The following HIF1A variants were observed in gnomAD, a reference collection of about 807,000 sequenced individuals.
The protein encoded by HIF1A is hypoxia-inducible factor 1-alpha.
HIF1A carries 24 observed loss-of-function variants against 92.7 expected under a neutral mutation model. The observed-to-expected ratio is 0.26, with a 90% confidence interval of 0.19 to 0.36. HIF1A has a LOEUF of 0.36. HIF1A is among the 10% of genes least tolerant of loss of function. The pLI is 1.00. For missense variants in HIF1A, 799 were observed against 998.5 expected (o/e 0.80, Z 2.69); for synonymous variants, 319 against 338.7 (o/e 0.94, Z 0.64).
chr14:61,699,541 G>C (rs2140115712), intron 1 of HIF1A, among the ~76,000 whole-genome samples: 1 of 151,532 alleles, frequency 6.6e-6, no homozygotes, highest in South Asian at 2.1e-4. Flanking sequence ...TTAAAGATTT[G>C]GGTTAAATTG....
chr14:61,742,968 A>C (rs2044732372), intron 12 of HIF1A, among the ~76,000 whole-genome samples: 1 of 151,256 alleles, frequency 6.6e-6, no homozygotes, highest in South Asian at 2.1e-4. Context: ...TATAAGTTAC[A>C]GTTTACTATC....
intron 1 of HIF1A, among the ~76,000 whole-genome samples, chr14:61,712,003 GA>G (rs1194058929): frequency 1.3e-5 from 2 of 152,144 alleles, no homozygotes; most frequent in African/African-American, 4.8e-5. Flanking sequence ...GAACAAAATA[GA>G]CAAAAGTCTC....
intron 1 of HIF1A, among the ~76,000 whole-genome samples, chr14:61,713,389 C>T (rs1253116755): frequency 6.6e-6 from 1 of 152,118 alleles, no homozygotes. Context: ...TTTTTAAAAA[C>T]TCAGATTTTG....
intron 1 of HIF1A, among the ~76,000 whole-genome samples, chr14:61,700,903 G>A (rs576033947): frequency 6.6e-6 from 1 of 152,278 alleles, no homozygotes; most frequent in South Asian, 2.1e-4. Context: ...CTTGTTTGTG[G>A]ATAATTAACC....
At position 61,742,822 on chromosome 14, in the gene HIF1A, C is replaced by A. The variant is rs190082493; in HGVS notation, c.2093+1634C>A. Among the ~76,000 whole-genome samples the A allele has an allele frequency of 3.9e-5, 5 of 129,080 alleles. No homozygotes were observed. In the Admixed American group the frequency reaches 5.1e-4, roughly 13 times the overall value. 84.7% of individuals were successfully genotyped at this position (129,080 alleles called of 152,430 possible). ...ATTGCTTGAACCCTGGAGGTGGAGG[C>A]TGCAGTGAGCCGAGATCGTGCCATT... On this transcript the variant is annotated intron_variant, in intron 12 of 14. Transcript: ENST00000337138.
Position 61,740,505 on chromosome 14 carries a change from C to T in HIF1A, c.1537C>T (p.Pro513Ser), listed in dbSNP as rs753064700. ...DGSTRQSSPE[P>S]NSPSEYCFYV... is the part of the protein sequence containing the mutation. ...ATAGTAAACATATTTCTTTTTACAG[C>T]CTAATAGTCCCAGTGAATATTGTTT... Residue 513 changes from proline to serine, a missense_variant and splice_region_variant, in exon 11 of 15, where the codon CCT becomes TCT. Around this residue, in one of 2 missense-constraint regions of HIF1A, gnomAD observed 516 missense variants for 721.0 expected, o/e 0.72. Transcript: ENST00000337138. 6.4e-7 allele frequency: 1 copy of T among 1,569,322 alleles called. No homozygotes were observed.
At chr14:61,702,811 A>G (rs1000810291) in intron 1 of HIF1A, among the ~76,000 whole-genome samples, 29 of 152,308 alleles carry the variant, frequency 1.9e-4, no homozygotes, top group African/African-American at 6.7e-4. Context: ...TGTAGAGACC[A>G]TTGTCTACTA....
chr14:61,733,093 A>T (rs887710038), intron 7 of HIF1A, among the ~76,000 whole-genome samples: 9 of 149,594 alleles, frequency 6.0e-5, no homozygotes, highest in East Asian at 1.9e-4. Context: ...ATTTTATTTT[A>T]TTTTTTTCTT....
intron 8 of HIF1A, 84 bp from the exon 9 acceptor site, chr14:61,736,805 T>G: frequency 1.1e-6 from 1 of 928,010 alleles, no homozygotes; most frequent in Non-Finnish European, 1.7e-6. Flanking sequence ...AGCAGAATTT[T>G]TTAAGAGACC....
intron 1 of HIF1A, among the ~76,000 whole-genome samples, chr14:61,707,344 T>C (rs968074159): frequency 1.3e-5 from 2 of 152,268 alleles, no homozygotes; most frequent in Admixed American, 6.5e-5. Context: ...TTAGGGTACA[T>C]GTGCACAACG....
chr14:61,737,694 C>T (rs2044654354), intron 9 of HIF1A, among the ~76,000 whole-genome samples: 1 of 152,150 alleles, frequency 6.6e-6, no homozygotes, highest in Non-Finnish European at 1.5e-5. Flanking sequence ...ATGAATTAGA[C>T]AAACCTTTTG....
At chr14:61,703,825 G>T (rs2044205527) in intron 1 of HIF1A, among the ~76,000 whole-genome samples, 1 of 62,634 alleles carries the variant, frequency 1.6e-5, no homozygotes, top group African/African-American at 4.8e-5. Context: ...AGTAATTAAT[G>T]GGCCATGAGT....
chr14:61,696,374 G>C (rs1468321844), intron 1 of HIF1A, among the ~76,000 whole-genome samples: 2 of 152,258 alleles, frequency 1.3e-5, no homozygotes, highest in African/African-American at 4.8e-5. Context: ...TGAGGGACTC[G>C]CGTGGTCGGA....
intron 2 of HIF1A, among the ~76,000 whole-genome samples, chr14:61,721,151 G>C (rs1001670331): frequency 6.6e-6 from 1 of 152,122 alleles, no homozygotes; most frequent in African/African-American, 2.4e-5. Context: ...TGAGGCAGGA[G>C]AATTGCTTAA....
At chr14:61,710,221 G>T (rs1566562630) in intron 1 of HIF1A, among the ~76,000 whole-genome samples, 1 of 152,152 alleles carries the variant, frequency 6.6e-6, no homozygotes, top group East Asian at 1.9e-4. Flanking sequence ...CTGAAATTTT[G>T]TGGTAGCTGG....
chr14:61,713,434 C>T (rs1246842469), intron 1 of HIF1A, among the ~76,000 whole-genome samples: 1 of 152,096 alleles, frequency 6.6e-6, no homozygotes, highest in Non-Finnish European at 1.5e-5. Context: ...TCAGAATTTA[C>T]AGATTCAAAT....
Position 61,695,753 on chromosome 14 carries a change from G to T in HIF1A, c.-52G>T. On this transcript the variant is annotated 5_prime_UTR_variant, in exon 1 of 15. Transcript: ENST00000337138. ...GTGGAGGGAGCCAGCGCTTAGGCCGGAGCGAGCCTGGGGGCCGCCCGCCGT... is the reference window on the plus strand; with the variant it reads ...GTGGAGGGAGCCAGCGCTTAGGCCGTAGCGAGCCTGGGGGCCGCCCGCCGT... 6.4e-7 allele frequency: 1 copy of T among 1,561,314 alleles called. No individual in the cohort carries two copies. Among genetic ancestry groups the T allele is most frequent in the Admixed American group, 1.9e-5 (1 of 51,528 alleles).
intron 1 of HIF1A, among the ~76,000 whole-genome samples, chr14:61,702,135 G>C (rs1406597807): frequency 1.3e-5 from 2 of 151,226 alleles, no homozygotes; most frequent in African/African-American, 4.9e-5. Context: ...GGTTTCTTTA[G>C]AAATATTGTC....
intron 13 of HIF1A, 106 bp from the exon 14 acceptor site, chr14:61,745,584 TA>T (rs766461061): frequency 1.1e-6 from 1 of 875,776 alleles, no homozygotes; most frequent in Non-Finnish European, 1.9e-6. Flanking sequence ...GGGTAGTATT[TA>T]AGAAACTGCC....
Sources: gnomAD v4.1 joint callset for allele counts (sites outside exome capture counted in the v4.1 genomes callset) on GRCh38, gnomAD v4.1.1 for gene constraint, gnomAD v4.1.1 regional missense constraint, MANE v1.5 for transcripts, NCBI Gene and HGNC (gene_info 2026-07-23, HGNC 2026-07-21) for gene names.